LMOD1: variants seen among roughly 807,000 people sequenced by gnomAD.
LMOD1 encodes leiomodin-1.
Under a neutral mutation model 36.5 loss-of-function variants are expected in LMOD1, and 8 were observed. That is an observed-to-expected ratio of 0.22 (90% confidence interval 0.13 to 0.40). The LOEUF is 0.40. LMOD1 is among the 10% of genes least tolerant of loss of function. The pLI, the probability that LMOD1 is intolerant of heterozygous loss-of-function variation, is 1.00. For missense variants in LMOD1, 630 were observed against 751.1 expected (o/e 0.84, Z 1.88); for synonymous variants, 284 against 288.7 (o/e 0.98, Z 0.17).
chr1:201,944,740 G>T (rs973126612), intron 1 of LMOD1, among the ~76,000 whole-genome samples: 2 of 151,718 alleles, frequency 1.3e-5, no homozygotes, highest in African/African-American at 4.9e-5. Flanking sequence ...GGCGGGGGGG[G>T]GCGGTAGGGA....
intron 1 of LMOD1, among the ~76,000 whole-genome samples, chr1:201,917,094 G>A (rs1035816356): frequency 6.6e-6 from 1 of 152,220 alleles, no homozygotes; most frequent in Non-Finnish European, 1.5e-5. Context: ...TTCTGGAAAA[G>A]ACAAGGATAA....
At chr1:201,923,883 A>AAGAGAG (rs137961777) in intron 1 of LMOD1, among the ~76,000 whole-genome samples, 6 of 140,404 alleles carry the variant, frequency 4.3e-5, no homozygotes, top group East Asian at 2.1e-4. Flanking sequence ...AAAGAAGAAA[A>AAGAGAG]AGAGAGAGAG....
chr1:201,929,577 G>A (rs1681884895), intron 1 of LMOD1, among the ~76,000 whole-genome samples: 1 of 152,164 alleles, frequency 6.6e-6, no homozygotes, highest in Non-Finnish European at 1.5e-5. Flanking sequence ...GGATAAAAAA[G>A]GATCACTGCC....
At chr1:201,941,356 G>A (rs1417962656) in intron 1 of LMOD1, among the ~76,000 whole-genome samples, 1 of 152,172 alleles carries the variant, frequency 6.6e-6, no homozygotes, top group Non-Finnish European at 1.5e-5. Context: ...TAAGAAACAA[G>A]CAGTTGCTTT....
chr1:201,905,175 G>T (rs1681393277), intron 1 of LMOD1, among the ~76,000 whole-genome samples: 1 of 152,206 alleles, frequency 6.6e-6, no homozygotes, highest in Admixed American at 6.5e-5. Flanking sequence ...AGCCCGCAGG[G>T]GTGGTTTGGG....
intron 1 of LMOD1, among the ~76,000 whole-genome samples, chr1:201,929,084 ATTTATTTG>A (rs768511588): frequency 1.7e-3 from 243 of 143,606 alleles, no homozygotes; most frequent in African/African-American, 4.4e-3. Context: ...GGTGGACTTT[ATTTATTTG>A]TTTATTTATT....
At chr1:201,940,752 T>TAA (rs1682101289) in intron 1 of LMOD1, among the ~76,000 whole-genome samples, 1 of 150,310 alleles carries the variant, frequency 6.7e-6, no homozygotes, top group Non-Finnish European at 1.5e-5. Context: ...CCCAGCATTT[T>TAA]TTTTTTTTTT....
chr1:201,942,964 T>C (rs1317831231), intron 1 of LMOD1, among the ~76,000 whole-genome samples: 2 of 152,292 alleles, frequency 1.3e-5, no homozygotes, highest in East Asian at 3.9e-4. Flanking sequence ...TAATAGAAAT[T>C]CCTTAACAGC....
At chr1:201,940,445 C>G (rs1457702119) in intron 1 of LMOD1, among the ~76,000 whole-genome samples, 4 of 151,810 alleles carry the variant, frequency 2.6e-5, no homozygotes, top group Non-Finnish European at 5.9e-5. Flanking sequence ...TCGGCCTCCC[C>G]AAGCACTGGG....
chr1:201,907,925 G>C (rs192339537), intron 1 of LMOD1, among the ~76,000 whole-genome samples: 1 of 152,174 alleles, frequency 6.6e-6, no homozygotes, highest in African/African-American at 2.4e-5. Context: ...GGACGTGGCC[G>C]ACCAGGGGAC....
In LMOD1 at chr1:201,924,607, AG is replaced by A. The variant is rs564073268; in HGVS notation, c.261+21472del. On this transcript the variant is annotated intron_variant, in intron 1 of 2. Coordinates refer to ENST00000367288, the MANE Select transcript of LMOD1 (RefSeq NM_012134.3). ...AAGGAGGGAGGGAGGGAAGGAAGGA[AG>A]GAAAAGAAAGAAGAAAGAAAGGAAG... 5.2e-3 allele frequency among the ~76,000 whole-genome samples: 776 copies of A among 150,366 alleles called. 12 individuals are homozygous for A. The highest frequency in any genetic ancestry group is 0.018 in the African/African-American group (736 of 40,460).
intron 1 of LMOD1, among the ~76,000 whole-genome samples, chr1:201,902,039 C>T (rs1239801178): frequency 1.3e-5 from 2 of 150,860 alleles, no homozygotes; most frequent in Non-Finnish European, 2.9e-5. Flanking sequence ...TCAAGCAGTC[C>T]TCCCACCTCA....
intron 1 of LMOD1, among the ~76,000 whole-genome samples, chr1:201,924,879 T>A (rs534834921): frequency 6.6e-5 from 10 of 152,094 alleles, no homozygotes; most frequent in Admixed American, 5.2e-4. Flanking sequence ...AGCAAGACCC[T>A]ATCTCTGGAA....
chr1:201,897,184 GGGT>G lies in LMOD1; in HGVS notation c.*1185_*1187del. 2 of 211,866 alleles carry G rather than the reference GGGT, an allele frequency of 9.4e-6. No homozygotes were observed. The highest frequency in any genetic ancestry group is 2.0e-5 in the Non-Finnish European group (2 of 102,536). The allele number at this position is 211,866 out of a possible 1,614,324, so 13.1% of individuals were successfully genotyped here. ...TCTGAGCCCTAGGGCACACAGATAT[GGGT>G]GCTATTCTCCAAATAGTCACTCCAC... On this transcript the variant is annotated 3_prime_UTR_variant, in exon 3 of 3. Transcript: ENST00000367288.
At position 201,946,226 on chromosome 1, in the gene LMOD1, C is replaced by T. The variant is rs1376107282; in HGVS notation, c.115G>A (p.Val39Met). The change falls in exon 1 of 3, where the codon GTG becomes ATG. Residue 39 changes from valine to methionine, a missense_variant. Val to Met is a conservative substitution (Grantham distance 21). Around this residue, in one of 3 missense-constraint regions of LMOD1, gnomAD observed 405 missense variants for 400.6 expected, o/e 1.01. Coordinates refer to ENST00000367288, the MANE Select transcript of LMOD1 (RefSeq NM_012134.3). ...ACGGGAACACTCCCGTCTGGGTCCA[C>T]CACGTCCAGCTCCTTCTCCAGCTCC... ...MEELEKELDV[V>M]DPDGSVPVGL... 3 of 1,613,930 alleles carry T rather than the reference C, an allele frequency of 1.9e-6. No homozygotes were observed. The Admixed American group carries it at 5.0e-5, about 27-fold the overall frequency.
intron 1 of LMOD1, among the ~76,000 whole-genome samples, chr1:201,908,076 C>A (rs969019257): frequency 6.6e-6 from 1 of 152,198 alleles, no homozygotes; most frequent in Non-Finnish European, 1.5e-5. Context: ...GCAGCCTCCC[C>A]CAAAAGGCCA....
chr1:201,909,308 A>G (rs1211057813), intron 1 of LMOD1, among the ~76,000 whole-genome samples: 1 of 152,232 alleles, frequency 6.6e-6, no homozygotes, highest in Non-Finnish European at 1.5e-5. Context: ...ATGGGGTCTC[A>G]GGTGTGAGAA....
In LMOD1 at chr1:201,938,807, C is replaced by T. The variant is rs560988494; in HGVS notation, c.261+7273G>A. On this transcript the variant is annotated intron_variant, in intron 1 of 2. Coordinates refer to ENST00000367288, the MANE Select transcript of LMOD1 (RefSeq NM_012134.3). ...GTTTGTAAACAGCATCCCGACAACCCGGCTTGTTCTTTCTGCAGTGGGCCC... is the reference window on the plus strand; with the variant it reads ...GTTTGTAAACAGCATCCCGACAACCTGGCTTGTTCTTTCTGCAGTGGGCCC... Among the ~76,000 whole-genome samples, 11 of 152,296 alleles carry T rather than the reference C, an allele frequency of 7.2e-5. No homozygotes were observed. In the East Asian group the frequency reaches 1.9e-3, roughly 27 times the overall value.
At chr1:201,901,507 A>AT (rs2102908750) in intron 1 of LMOD1, among the ~76,000 whole-genome samples, 1 of 91,928 alleles carries the variant, frequency 1.1e-5, no homozygotes, top group South Asian at 3.7e-4. Context: ...TGTCTCAAAA[A>AT]AAAAATATAT....
Sources: allele counts gnomAD v4.1 joint callset (sites outside exome capture counted in the v4.1 genomes callset), GRCh38; gene constraint gnomAD v4.1.1; regional missense constraint gnomAD v4.1.1; transcripts MANE v1.5; gene names NCBI Gene and HGNC (gene_info 2026-07-23, HGNC 2026-07-21).